The following ANAPC5 variants were observed in gnomAD, a reference collection of about 807,000 sequenced individuals.
ANAPC5 encodes anaphase-promoting complex subunit 5.
A neutral mutation model predicts 91.3 loss-of-function variants in ANAPC5; 60 were observed. The ratio of observed to expected loss-of-function variants is 0.66; its 90% CI spans 0.53 to 0.81. The LOEUF (loss-of-function observed/expected upper bound fraction) is 0.81. Among genes scored for constraint, ANAPC5 ranks in the 40% least tolerant of loss-of-function variants. The probability of loss-of-function intolerance (pLI) is 0.00; values close to 1 mark genes in which losing one functional copy is unlikely to be tolerated. For synonymous variants in ANAPC5, 340 were observed against 364.1 expected, an observed-to-expected ratio of 0.93 and a Z score of 0.75; for missense variants, 690 against 931.5, an observed-to-expected ratio of 0.74 and a Z score of 3.37.
chr12:121,328,631 TAACCTGGCC>T, intron 9 of ANAPC5, 134 bp from the exon 10 acceptor site: 3 of 805,128 alleles, frequency 3.7e-6, no homozygotes. Context: ...AAAGTACCTA[TAACCTGGCC>T]TTAACCCTGA....
chr12:121,308,748 T>G, intron 16 of ANAPC5, 57 bp from the exon 17 acceptor site: 1 of 1,359,518 alleles, frequency 7.4e-7, no homozygotes. Context: ...CGTATAGTTT[T>G]CAAAACGTGG....
At chr12:121,326,130 C>G (rs1022901802) in intron 11 of ANAPC5, among the ~76,000 whole-genome samples, 3 of 152,166 alleles carry the variant, frequency 2.0e-5, no homozygotes, top group African/African-American at 7.2e-5. Flanking sequence ...TCAGTCAGGG[C>G]CCATCCACCC....
chr12:121,309,660 C>A, intron 16 of ANAPC5, 41 bp downstream of exon 16: 1 of 1,559,924 alleles, frequency 6.4e-7, no homozygotes, highest in Non-Finnish European at 8.7e-7. Flanking sequence ...TCAATGCTTT[C>A]TGGAATAGCA....
intron 16 of ANAPC5, 51 bp from the exon 17 acceptor site, chr12:121,308,742 T>C (rs953083780): frequency 7.0e-7 from 1 of 1,432,270 alleles, no homozygotes; most frequent in Non-Finnish European, 9.8e-7. Context: ...CCTTCACGTA[T>C]AGTTTTCAAA....
Position 121,320,396 on chromosome 12 carries a change from G to A in ANAPC5, c.1504C>T (p.Gln502Ter), listed in dbSNP as rs866179000. ...HLKERFPPNS[Q>*]HAQLWMLCDQ... ...AAAAGGCAGATTACCTGGGCGTGCT[G>A]ACTATTAGGCGGAAATCGTTCCTTC... is the stretch of plus-strand genomic sequence containing the variant. Residue 502 changes from glutamine (Q) to a stop codon, truncating the protein, a stop_gained, in exon 12 of 17, where the codon CAG (glutamine) becomes TAG (stop). Coordinates refer to ENST00000261819, the MANE Select transcript of ANAPC5 (RefSeq NM_016237.5). LOFTEE classifies it high-confidence loss of function. 6.2e-7 allele frequency: 1 copy of A among 1,613,598 alleles called. No individual in the cohort carries two copies. The highest frequency in any genetic ancestry group is 1.7e-5 in the Admixed American group (1 of 60,008).
At position 121,342,964 on chromosome 12, in the gene ANAPC5, T is replaced by C. The variant is rs1165484370; in HGVS notation, c.591-895A>G. ...AAAATAAAAAGGTTCTCTAACAAAG[T>C]AATTTCTTTTAGACAAAGAATTATA... On this transcript the variant is annotated intron_variant, in intron 4 of 16. Transcript: ENST00000261819. This position sits in a 1 kb window ranked among gnomAD's most constrained non-coding sequence, Gnocchi z 4.1. Among the ~76,000 whole-genome samples the C allele has an allele frequency of 1.3e-5, 2 of 152,222 alleles. No individual in the cohort carries two copies. The highest frequency in any genetic ancestry group is 1.5e-5 in the Non-Finnish European group (1 of 68,038).
At position 121,342,400 on chromosome 12, in the gene ANAPC5, A is replaced by C. The variant is rs1427108913; in HGVS notation, c.591-331T>G. ...GATCCTTATCTAACACCATATTCAA[A>C]AATTAACTCACAAGGACTCAAAGAC... On this transcript the variant is annotated intron_variant, in intron 4 of 16. Transcript: ENST00000261819. The surrounding 1 kb of genome is among the most constrained non-coding windows in gnomAD (Gnocchi z 4.1). Among the ~76,000 whole-genome samples, 3 of 152,180 alleles carry C rather than the reference A, an allele frequency of 2.0e-5. No homozygotes were observed. Among genetic ancestry groups the C allele is most frequent in the Non-Finnish European group, 4.4e-5 (3 of 68,036 alleles).
At position 121,318,342 on chromosome 12, in the gene ANAPC5, G is replaced by A; in HGVS notation, c.1828C>T (p.Leu610Phe). 1.2e-6 allele frequency: 2 copies of A among 1,609,478 alleles called. No individual in the cohort carries two copies. The highest frequency in any genetic ancestry group is 2.2e-5 in the South Asian group (2 of 90,294). ...TACTGTAACCGGTACTCCTTGGAGA[G>A]GGCCAGAGCCTGCAGGAGCATGGGC... is the stretch of plus-strand genomic sequence containing the variant. ...ALPMLLQALA[L>F]SKEYRLQYLA... Residue 610 changes from leucine to phenylalanine, a missense_variant, in exon 15 of 17, where the codon CTC (leucine) becomes TTC (phenylalanine). By Grantham distance (22) the Leu-to-Phe change is conservative (BLOSUM62 0). Transcript: ENST00000261819.
At chr12:121,331,621 G>A (rs1210392010) in intron 7 of ANAPC5, 193 bp from the exon 8 acceptor site, 3 of 427,576 alleles carry the variant, frequency 7.0e-6, no homozygotes, top group Non-Finnish European at 1.3e-5. Context: ...GGAAATATAG[G>A]ACATGTCTCT....
At chr12:121,318,657 G>T in intron 13 of ANAPC5, 49 bp from the exon 14 acceptor site, 1 of 1,453,032 alleles carries the variant, frequency 6.9e-7, no homozygotes, top group Non-Finnish European at 9.6e-7. Context: ...GTCACTTTGA[G>T]GGTAAGAATC....
chr12:121,352,496 T>C (rs931841462), upstream of ANAPC5: 13 of 632,364 alleles, frequency 2.1e-5, no homozygotes, highest in Admixed American at 3.9e-4. Flanking sequence ...ATCAGAGCAG[T>C]CTGTCAGAGC....
At chr12:121,349,274 T>A (rs1276434776) in intron 1 of ANAPC5, among the ~76,000 whole-genome samples, 1 of 151,978 alleles carries the variant, frequency 6.6e-6, no homozygotes, top group African/African-American at 2.4e-5. Context: ...AACTATACAG[T>A]AGGGGGCCAG....
intron 4 of ANAPC5, among the ~76,000 whole-genome samples, chr12:121,344,452 C>T (rs1272510155): frequency 6.6e-6 from 1 of 151,822 alleles, no homozygotes; most frequent in African/African-American, 2.4e-5. Context: ...TGCTGGTGGG[C>T]ACCTGTAATC....
At chr12:121,319,644 A>T (rs78411593) in intron 13 of ANAPC5, 53 bp downstream of exon 13, 2 of 1,549,246 alleles carry the variant, frequency 1.3e-6, no homozygotes, top group Non-Finnish European at 1.7e-6. Context: ...AACAAAAACA[A>T]AACCATTTAA....
At position 121,318,004 on chromosome 12, in the gene ANAPC5, C is replaced by T. The variant is rs572837396; in HGVS notation, c.1893+273G>A. ...CAAGCATCACTCTGTGTCAGCTAAT[C>T]ATTAATATGATGCAGGTGTTCTCAC... On this transcript the variant is annotated intron_variant, in intron 15 of 16. Transcript: ENST00000261819. 20 of 283,104 alleles carry T rather than the reference C, an allele frequency of 7.1e-5. No homozygotes were observed. In the East Asian group the frequency reaches 1.1e-3, roughly 16 times the overall value. The allele number at this position is 283,104 out of a possible 1,614,324, so 17.5% of individuals were successfully genotyped here. A position where few individuals can be genotyped will look rare whatever the true frequency, so the allele number is the denominator to read the frequency against.
At chr12:121,326,985 T>G in intron 11 of ANAPC5, 111 bp downstream of exon 11, 1 of 1,368,110 alleles carries the variant, frequency 7.3e-7, no homozygotes, top group Non-Finnish European at 9.6e-7. Context: ...TCAGCCACAG[T>G]GTCGAGCAGA....
chr12:121,312,706 CAAAAAAAAAAA>C, intron 15 of ANAPC5, among the ~76,000 whole-genome samples: 1 of 51,822 alleles, frequency 1.9e-5, no homozygotes, highest in East Asian at 4.7e-4. Flanking sequence ...GACTCTGTCA[CAAAAAAAAAAA>C]AAAAAAAAAA....
At chr12:121,339,368 A>T (rs1274551959) in intron 5 of ANAPC5, among the ~76,000 whole-genome samples, 2 of 152,014 alleles carry the variant, frequency 1.3e-5, no homozygotes, top group African/African-American at 2.4e-5. Flanking sequence ...GTGATTTCTA[A>T]ACCAAAACCA....
chr12:121,350,922 G>A (rs1903864443), intron 1 of ANAPC5: 1 of 333,062 alleles, frequency 3.0e-6, no homozygotes, highest in South Asian at 2.2e-5. Flanking sequence ...TATGCCATAT[G>A]TGAACACACT....
Sources: allele counts gnomAD v4.1 joint callset (sites outside exome capture counted in the v4.1 genomes callset), GRCh38; gene constraint gnomAD v4.1.1; non-coding constraint Gnocchi (gnomAD v3.1); transcripts MANE v1.5; gene names NCBI Gene and HGNC (gene_info 2026-07-23, HGNC 2026-07-21).